Variants in CBFA2T2 observed in about 807,000 individuals in gnomAD.
CBFA2T2 encodes the protein CBFA2/RUNX1 partner transcriptional co-repressor 2.
In CBFA2T2, 11 loss-of-function variants were observed where a neutral mutation model predicts 62.2. That is an observed-to-expected ratio of 0.18 (90% CI 0.11 to 0.29). The LOEUF (loss-of-function observed/expected upper bound fraction) is 0.29, where lower values mean the gene tolerates loss of function less well. CBFA2T2 is among the 10% of genes least tolerant of loss of function. The probability of loss-of-function intolerance (pLI) is 1.00; values close to 1 mark genes in which losing one functional copy is unlikely to be tolerated. For missense variants in CBFA2T2, 592 were observed against 774.1 expected, an observed-to-expected ratio of 0.76 and a Z score of 2.79; for synonymous variants, 295 against 287.5, an observed-to-expected ratio of 1.03 and a Z score of -0.27.
chr20:33,574,208 A>G, intron 1 of CBFA2T2: 3 of 1,613,582 alleles, frequency 1.9e-6, no homozygotes, highest in Middle Eastern at 1.7e-4. Flanking sequence ...TGAATGGCTA[A>G]AGAATCTGGA....
chr20:33,525,347 C>T (rs188255545), intron 1 of CBFA2T2, among the ~76,000 whole-genome samples: 277 of 151,234 alleles, frequency 1.8e-3, no homozygotes, highest in African/African-American at 5.1e-3. Context: ...CCACCATGCC[C>T]GGCTAATTTT....
At chr20:33,565,457 C>T (rs966757222) in intron 1 of CBFA2T2, among the ~76,000 whole-genome samples, 1 of 152,008 alleles carries the variant, frequency 6.6e-6, no homozygotes, top group Non-Finnish European at 1.5e-5. Context: ...ATAGGGCCTA[C>T]TATAGAGGGC....
At chr20:33,642,603 T>TAA (rs561925371) in intron 10 of CBFA2T2, among the ~76,000 whole-genome samples, 33 of 141,618 alleles carry the variant, frequency 2.3e-4, no homozygotes, top group African/African-American at 3.4e-4. Flanking sequence ...CCCATCTCTT[T>TAA]AAAAAAAAAA....
intron 1 of CBFA2T2, among the ~76,000 whole-genome samples, chr20:33,548,478 A>G (rs2012641370): frequency 6.6e-6 from 1 of 151,938 alleles, no homozygotes; most frequent in South Asian, 2.1e-4. Flanking sequence ...TCCTGACCTC[A>G]GGTGATCTGC....
At chr20:33,617,147 G>T (rs1387481478) in intron 3 of CBFA2T2, among the ~76,000 whole-genome samples, 2 of 152,002 alleles carry the variant, frequency 1.3e-5, no homozygotes, top group Non-Finnish European at 2.9e-5. Flanking sequence ...AAGGTGGGCG[G>T]ATCACGAGGT....
At chr20:33,592,238 C>A (rs1443371131) in intron 1 of CBFA2T2, among the ~76,000 whole-genome samples, 2 of 151,904 alleles carry the variant, frequency 1.3e-5, no homozygotes, top group Admixed American at 6.6e-5. Flanking sequence ...TGGCACGCGT[C>A]TGTAATCCCA....
chr20:33,568,399 G>C (rs1023025881), intron 1 of CBFA2T2, among the ~76,000 whole-genome samples: 6 of 152,180 alleles, frequency 3.9e-5, no homozygotes, highest in African/African-American at 1.4e-4. Context: ...AAGGGTGCGT[G>C]TAGAGAATGC....
In CBFA2T2 at chr20:33,537,165, G is replaced by A. The variant is rs144748982; in HGVS notation, c.34+46864G>A. Among the ~76,000 whole-genome samples, 1,768 of 152,342 alleles carry A rather than the reference G, an allele frequency of 0.012. 87 individuals are homozygous for A. The East Asian group carries it at 0.16, about 14-fold the overall frequency. Reference sequence around the variant, plus strand: ...TGGGAGGTGGAGGTTGTAGCGAGCCGAGATCACGCCACTGCATTCAGCCTG... The same window carrying A: ...TGGGAGGTGGAGGTTGTAGCGAGCCAAGATCACGCCACTGCATTCAGCCTG... On this transcript the variant is annotated intron_variant, in intron 1 of 10. Transcript: ENST00000342704.
In CBFA2T2 at chr20:33,644,853, T is replaced by C. The variant is rs960946492; in HGVS notation, c.*207T>C. Reference sequence around the variant, plus strand: ...GAGCCAGTGTGCCATTCTCTGCACATGGGCAGCCAGCCTGAGCTGCCTCCT... The same window carrying C: ...GAGCCAGTGTGCCATTCTCTGCACACGGGCAGCCAGCCTGAGCTGCCTCCT... On this transcript the variant is annotated 3_prime_UTR_variant, in exon 11 of 11. Coordinates refer to ENST00000342704, the MANE Select transcript of CBFA2T2 (RefSeq NM_001032999.3). The C allele has an allele frequency of 2.4e-5, 14 of 589,724 alleles. No homozygotes were observed. The Admixed American group carries it at 4.7e-4, about 20-fold the overall frequency. 36.5% of individuals were successfully genotyped at this position (589,724 alleles called of 1,614,324 possible).
intron 1 of CBFA2T2, among the ~76,000 whole-genome samples, chr20:33,555,650 C>T (rs2012876027): frequency 6.6e-6 from 1 of 152,142 alleles, no homozygotes; most frequent in African/African-American, 2.4e-5. Flanking sequence ...CATTTTCTTA[C>T]ATAACCACAC....
intron 1 of CBFA2T2, chr20:33,562,616 A>G (rs2013130767): frequency 3.0e-6 from 3 of 985,630 alleles, no homozygotes; most frequent in South Asian, 4.7e-5. Context: ...TGGAATATCT[A>G]TTTCAAATAA....
At chr20:33,561,318 G>A (rs2146892587) in intron 1 of CBFA2T2, among the ~76,000 whole-genome samples, 1 of 152,202 alleles carries the variant, frequency 6.6e-6, no homozygotes, top group Admixed American at 6.5e-5. Flanking sequence ...CAAGCGACCT[G>A]ACCACCTTGG....
intron 1 of CBFA2T2, among the ~76,000 whole-genome samples, chr20:33,590,912 C>T (rs118031419): frequency 5.9e-5 from 9 of 152,146 alleles, no homozygotes; most frequent in Non-Finnish European, 1.0e-4. Context: ...CAGTGGCTCT[C>T]GCTTGTAATC....
At chr20:33,587,327 C>G (rs530238120) in intron 1 of CBFA2T2, among the ~76,000 whole-genome samples, 136 of 151,696 alleles carry the variant, frequency 9.0e-4, no homozygotes, top group Middle Eastern at 3.4e-3. Context: ...AGTGCAGTGG[C>G]ACGATCTCGG....
chr20:33,590,861 G>A (rs1003218348), intron 1 of CBFA2T2, among the ~76,000 whole-genome samples: 1 of 152,042 alleles, frequency 6.6e-6, no homozygotes, highest in Admixed American at 6.6e-5. Context: ...CATGGAGCCA[G>A]GTGGAACCCA....
intron 1 of CBFA2T2, among the ~76,000 whole-genome samples, chr20:33,602,910 G>A (rs1487935828): frequency 6.6e-6 from 1 of 152,178 alleles, no homozygotes; most frequent in Non-Finnish European, 1.5e-5. Flanking sequence ...AACCATGACA[G>A]TTCATCTGAT....
At chr20:33,566,547 A>G (rs2013319968) in intron 1 of CBFA2T2, among the ~76,000 whole-genome samples, 1 of 152,112 alleles carries the variant, frequency 6.6e-6, no homozygotes, top group Non-Finnish European at 1.5e-5. Context: ...CGGAAGTTGC[A>G]GGGAGCTGAG....
At chr20:33,533,829 G>A (rs1443875867) in intron 1 of CBFA2T2, among the ~76,000 whole-genome samples, 2 of 152,106 alleles carry the variant, frequency 1.3e-5, no homozygotes. Flanking sequence ...ACAGCAGTTA[G>A]CCTTGCATGG....
At chr20:33,506,102 TA>T (rs1171552783) in intron 1 of CBFA2T2, among the ~76,000 whole-genome samples, 1 of 151,070 alleles carries the variant, frequency 6.6e-6, no homozygotes, top group Non-Finnish European at 1.5e-5. Context: ...AAAATAAAAA[TA>T]AAAAAAGAAA....
Sources: gnomAD v4.1 joint callset for allele counts (sites outside exome capture counted in the v4.1 genomes callset) on GRCh38, gnomAD v4.1.1 for gene constraint, MANE v1.5 for transcripts, NCBI Gene and HGNC (gene_info 2026-07-23, HGNC 2026-07-21) for gene names.